The following OR1B1 variants were observed in gnomAD, a reference collection of about 807,000 sequenced individuals.
OR1B1 encodes olfactory receptor family 1 subfamily B member 1, also known as olfactory receptor 1B1.
For synonymous variants in OR1B1, 168 were observed against 156.2 expected (o/e 1.08, Z -0.57); for missense variants, 414 against 402.1 (o/e 1.03, Z -0.25).
At chr9:122,634,792 G>A in the OR1B1 span, among the ~76,000 whole-genome samples, 9 of 152,054 alleles carry the variant, frequency 5.9e-5, no homozygotes, top group East Asian at 5.8e-4. Flanking sequence ...ATCACTAATC[G>A]TCAGGGAAAT....
chr9:122,646,220 A>G, the OR1B1 span, among the ~76,000 whole-genome samples: 1 of 152,122 alleles, frequency 6.6e-6, no homozygotes, highest in South Asian at 2.1e-4. Context: ...AGAGCAAAAA[A>G]TAAAAGCATA....
At chr9:122,629,662 G>C (rs1215593991), upstream of OR1B1, 4 of 609,258 alleles carry the variant, frequency 6.6e-6, no homozygotes, top group Non-Finnish European at 1.1e-5. Context: ...ACCTAGATTC[G>C]AACTTGACCA....
At chr9:122,628,897 C>T in exon 1 of OR1B1, 1 of 1,614,118 alleles carries the variant, frequency 6.2e-7, no homozygotes, top group Non-Finnish European at 8.5e-7. Context: ...AGGGGCCCAG[C>T]ATAAGGAAGC....
At chr9:122,641,427 G>A in the OR1B1 span, among the ~76,000 whole-genome samples, 1 of 152,160 alleles carries the variant, frequency 6.6e-6, no homozygotes, top group Non-Finnish European at 1.5e-5. Context: ...AAGGGTTAGA[G>A]ACATAGAAAT....
the OR1B1 span, among the ~76,000 whole-genome samples, chr9:122,642,662 A>G: frequency 6.6e-6 from 1 of 152,142 alleles, no homozygotes. Context: ...GGTAGAGAAG[A>G]CAAATCAATC....
the OR1B1 span, among the ~76,000 whole-genome samples, chr9:122,642,858 C>A: frequency 6.6e-6 from 1 of 152,120 alleles, no homozygotes; most frequent in Admixed American, 6.5e-5. Flanking sequence ...GTGAATCTGG[C>A]AATTACTTAA....
downstream of OR1B1, among the ~76,000 whole-genome samples, chr9:122,628,384 A>T (rs1453733861): frequency 6.6e-6 from 1 of 152,190 alleles, no homozygotes; most frequent in Non-Finnish European, 1.5e-5. Flanking sequence ...TATGCTGATA[A>T]GGGAGCCCTG....
upstream of OR1B1, among the ~76,000 whole-genome samples, chr9:122,632,825 G>T (rs1456093032): frequency 6.6e-6 from 1 of 152,094 alleles, no homozygotes; most frequent in Non-Finnish European, 1.5e-5. Flanking sequence ...TAATATGAAG[G>T]GGGGTTGTAT....
chr9:122,642,327 C>G, the OR1B1 span, among the ~76,000 whole-genome samples: 1 of 152,054 alleles, frequency 6.6e-6, no homozygotes, highest in African/African-American at 2.4e-5. Flanking sequence ...AGGCTAGTTC[C>G]CCACCCACAC....
chr9:122,651,075 A>G, the OR1B1 span, among the ~76,000 whole-genome samples: 7 of 152,282 alleles, frequency 4.6e-5, no homozygotes, highest in South Asian at 1.4e-3. Flanking sequence ...ATTATCCAAC[A>G]TTCTTCATAA....
the OR1B1 span, among the ~76,000 whole-genome samples, chr9:122,643,936 G>A: frequency 6.6e-6 from 1 of 152,124 alleles, no homozygotes; most frequent in African/African-American, 2.4e-5. Flanking sequence ...AGAGCCCTTG[G>A]GTCCTGAACA....
At chr9:122,656,364 G>A in the OR1B1 span, among the ~76,000 whole-genome samples, 3 of 152,122 alleles carry the variant, frequency 2.0e-5, no homozygotes, top group African/African-American at 2.4e-5. Flanking sequence ...CCACTACGAC[G>A]TATTGGGAGA....
the OR1B1 span, among the ~76,000 whole-genome samples, chr9:122,641,216 G>A: frequency 1.3e-5 from 2 of 152,150 alleles, no homozygotes; most frequent in Non-Finnish European, 2.9e-5. Flanking sequence ...AACAATAGTG[G>A]TGAATGTGAC....
chr9:122,628,892 C>G (rs1830170067), exon 1 of OR1B1: 1 of 1,614,058 alleles, frequency 6.2e-7, no homozygotes, highest in East Asian at 2.2e-5. Flanking sequence ...GGCACAGGGG[C>G]CCAGCATAAG....
chr9:122,637,288 C>A, the OR1B1 span: 1 of 152,174 alleles, frequency 6.6e-6, no homozygotes, highest in East Asian at 1.9e-4. Context: ...TACTGACTCT[C>A]TTCTCTTGCG....
chr9:122,647,618 GT>G, the OR1B1 span, among the ~76,000 whole-genome samples: 3 of 152,124 alleles, frequency 2.0e-5, no homozygotes, highest in African/African-American at 7.2e-5. Context: ...ACAAATAATT[GT>G]TTTTGTTGCT....
At chr9:122,650,799 G>A in the OR1B1 span, among the ~76,000 whole-genome samples, 4 of 152,138 alleles carry the variant, frequency 2.6e-5, no homozygotes, top group East Asian at 1.9e-4. Context: ...TGAGGTGGGC[G>A]GATCACGAGG....
the OR1B1 span, among the ~76,000 whole-genome samples, chr9:122,656,787 C>T: frequency 1.3e-5 from 2 of 152,170 alleles, no homozygotes; most frequent in African/African-American, 4.8e-5. Flanking sequence ...TAAACCCAAA[C>T]AGTACTAAAT....
the OR1B1 span, among the ~76,000 whole-genome samples, chr9:122,648,834 T>C: frequency 6.6e-6 from 1 of 152,164 alleles, no homozygotes; most frequent in Non-Finnish European, 1.5e-5. Context: ...CCCAAAGTAA[T>C]TTATACATTC....
Sources: allele counts gnomAD v4.1 joint callset (sites outside exome capture counted in the v4.1 genomes callset), GRCh38; gene constraint gnomAD v4.1.1; transcripts MANE v1.5; gene names NCBI Gene and HGNC (gene_info 2026-07-23, HGNC 2026-07-21).